GLG1: variants seen among roughly 807,000 people sequenced by gnomAD.
The protein encoded by GLG1 is Golgi apparatus protein 1.
A neutral mutation model predicts 160.5 loss-of-function variants in GLG1; 38 were observed. The ratio of observed to expected loss-of-function variants is 0.24; its 90% CI spans 0.18 to 0.31. The LOEUF is 0.31. GLG1 is among the 10% of genes least tolerant of loss of function. The pLI, the probability that GLG1 is intolerant of heterozygous loss-of-function variation, is 1.00. For synonymous variants in GLG1, 644 were observed against 543.4 expected, an observed-to-expected ratio of 1.19 and a Z score of -2.57; for missense variants, 1,373 against 1,505.2, an observed-to-expected ratio of 0.91 and a Z score of 1.45.
At chr16:74,463,317 ATAC>A in intron 20 of GLG1, 36 bp downstream of exon 20, 1 of 1,607,204 alleles carries the variant, frequency 6.2e-7, no homozygotes, top group Non-Finnish European at 8.5e-7. Flanking sequence ...TCCTTTTCAG[ATAC>A]TCCACGGGGC....
At chr16:74,553,382 A>T (rs749192904) in intron 1 of GLG1, among the ~76,000 whole-genome samples, 4 of 151,824 alleles carry the variant, frequency 2.6e-5, no homozygotes, top group Non-Finnish European at 5.9e-5. Context: ...TCAAAATTTG[A>T]CTATTCTGAC....
intron 1 of GLG1, among the ~76,000 whole-genome samples, chr16:74,560,250 G>A (rs1017348966): frequency 2.0e-5 from 3 of 151,696 alleles, no homozygotes; most frequent in African/African-American, 7.3e-5. Context: ...AAAGGCTGAA[G>A]CTCCCCCAGG....
At chr16:74,546,837 C>CAAAAAAAAAAA (rs71376218) in intron 1 of GLG1, among the ~76,000 whole-genome samples, 5,372 of 59,206 alleles carry the variant, frequency 0.091, 896 homozygotes, top group Admixed American at 0.11. Context: ...GACTCCATCT[C>CAAAAAAAAAAA]AAAAAAAAAA....
intron 1 of GLG1, among the ~76,000 whole-genome samples, chr16:74,547,573 C>G (rs1465866665): frequency 2.0e-5 from 3 of 152,190 alleles, no homozygotes; most frequent in Non-Finnish European, 4.4e-5. Context: ...TCCTGTTCTA[C>G]CAGTTAATTT....
At chr16:74,515,117 C>T (rs1817424510) in intron 2 of GLG1, among the ~76,000 whole-genome samples, 2 of 152,040 alleles carry the variant, frequency 1.3e-5, no homozygotes, top group African/African-American at 4.8e-5. Context: ...ATATATGCAC[C>T]CAATACAGGA....
intron 17 of GLG1, chr16:74,468,292 A>G (rs1049657155): frequency 1.5e-5 from 2 of 131,998 alleles, no homozygotes; most frequent in Admixed American, 9.2e-5. Context: ...GCTGGAGTAC[A>G]GTGGCACCAT....
intron 1 of GLG1, among the ~76,000 whole-genome samples, chr16:74,536,036 T>C (rs1389030233): frequency 6.6e-6 from 1 of 151,916 alleles, no homozygotes; most frequent in East Asian, 1.9e-4. Context: ...CTCGAGAAAG[T>C]AAATAAAAAT....
At chr16:74,517,132 G>A (rs186807623) in intron 2 of GLG1, among the ~76,000 whole-genome samples, 8 of 152,290 alleles carry the variant, frequency 5.3e-5, no homozygotes, top group South Asian at 2.1e-4. Context: ...GTACAAAGAG[G>A]AGCTGGTACC....
chr16:74,501,020 T>G (rs1567485108), intron 4 of GLG1, among the ~76,000 whole-genome samples: 1 of 152,198 alleles, frequency 6.6e-6, no homozygotes, highest in Non-Finnish European at 1.5e-5. Context: ...GGAGGCCAAG[T>G]CAAAGCCAGT....
At chr16:74,491,377 TA>T (rs2015979398) in intron 7 of GLG1, among the ~76,000 whole-genome samples, 162 bp from the exon 8 acceptor site, 1 of 152,220 alleles carries the variant, frequency 6.6e-6, no homozygotes, top group Admixed American at 6.5e-5. Flanking sequence ...TTTAGCAGCA[TA>T]AAATAGGCTT....
At chr16:74,591,586 C>T (rs566962711) in intron 1 of GLG1, among the ~76,000 whole-genome samples, 1 of 152,238 alleles carries the variant, frequency 6.6e-6, no homozygotes, top group South Asian at 2.1e-4. Context: ...CGAAATCGCA[C>T]CACTGCACTC....
chr16:74,542,712 A>AGGAAGGAAGGGAGGAAGGAAGGAAGGAAG (rs1233351958), intron 1 of GLG1, among the ~76,000 whole-genome samples: 1 of 38,098 alleles, frequency 2.6e-5, no homozygotes, highest in Non-Finnish European at 4.8e-5. Context: ...GAGGAAGGGA[A>AGGAAGGAAGGGAGGAAGGAAGGAAGGAAG]GAAGGGAAGG....
rs79429144 is a variant in GLG1, at chr16:74,463,013, G to C, written c.2791+343C>G. ...AACTTACGAGGTCTTCCAACTCAGA[G>C]GTGAAATGTTTCTGTTCCGAATCAG... On this transcript the variant is annotated intron_variant, in intron 20 of 25. Transcript: ENST00000422840. The C allele has an allele frequency of 3.6e-3, 1,492 of 416,860 alleles. 19 individuals carry two copies. Among genetic ancestry groups the C allele is most frequent in the African/African-American group, 0.028 (1,380 of 49,622 alleles). The allele number at this position is 416,860 out of a possible 1,614,324, so 25.8% of individuals were successfully genotyped here.
intron 1 of GLG1, among the ~76,000 whole-genome samples, chr16:74,598,052 G>T (rs2143897567): frequency 6.6e-6 from 1 of 152,090 alleles, no homozygotes; most frequent in Admixed American, 6.6e-5. Flanking sequence ...CAATAAGAAT[G>T]ATAATAATAA....
intron 1 of GLG1, among the ~76,000 whole-genome samples, chr16:74,568,219 T>C (rs1048064244): frequency 6.6e-6 from 1 of 152,162 alleles, no homozygotes; most frequent in African/African-American, 2.4e-5. Context: ...TCAATACCTA[T>C]CTAAGCCTGA....
intron 1 of GLG1, among the ~76,000 whole-genome samples, chr16:74,537,340 G>A (rs2017712977): frequency 6.6e-6 from 1 of 151,928 alleles, no homozygotes; most frequent in Non-Finnish European, 1.5e-5. Flanking sequence ...CATGATGAGT[G>A]TATCAGGAAA....
At chr16:74,469,118 G>A (rs1245027974) in intron 16 of GLG1, 55 bp from the exon 17 acceptor site, 25 of 1,162,338 alleles carry the variant, frequency 2.2e-5, no homozygotes, top group Non-Finnish European at 3.1e-5. Context: ...CAGATGGCCT[G>A]AGAGCTGGGC....
Position 74,451,631 on chromosome 16 carries a change from T to C in GLG1, c.*1536A>G, listed in dbSNP as rs3851729. 79,638 of 186,576 alleles carry C rather than the reference T, an allele frequency of 0.43. 17,830 individuals are homozygous for C. The highest frequency in any genetic ancestry group is 0.5 in the Admixed American group (9,295 of 18,532). 11.6% of individuals were successfully genotyped at this position (186,576 alleles called of 1,614,324 possible). A position where few individuals can be genotyped will look rare whatever the true frequency, so the allele number is the denominator to read the frequency against. On this transcript the variant is annotated 3_prime_UTR_variant, in exon 26 of 26. Transcript: ENST00000422840. ...GTTTTAGGCACGTGATTTATAATACTTTGTGGACATCTAACAGGTTAATAA... is the reference window on the plus strand; with the variant it reads ...GTTTTAGGCACGTGATTTATAATACCTTGTGGACATCTAACAGGTTAATAA...
At chr16:74,538,269 T>C (rs546515373) in intron 1 of GLG1, among the ~76,000 whole-genome samples, 40 of 150,906 alleles carry the variant, frequency 2.7e-4, no homozygotes, top group African/African-American at 9.3e-4. Context: ...CTCCTTTCAA[T>C]TGGAGACACT....
Sources: gnomAD v4.1 joint callset for allele counts (sites outside exome capture counted in the v4.1 genomes callset) on GRCh38, gnomAD v4.1.1 for gene constraint, MANE v1.5 for transcripts, NCBI Gene and HGNC (gene_info 2026-07-23, HGNC 2026-07-21) for gene names.